RAPGEF2: variants seen among roughly 807,000 people sequenced by gnomAD.
The protein encoded by RAPGEF2 is Rap guanine nucleotide exchange factor 2, also known as PDZ domain containing guanine nucleotide exchange factor (GEF) 1.
In RAPGEF2, 54 loss-of-function variants were observed where a neutral mutation model predicts 186.7. That is an observed-to-expected ratio of 0.29 (90% CI 0.23 to 0.36). RAPGEF2 has a LOEUF of 0.36. RAPGEF2 is among the 10% of genes least tolerant of loss of function. RAPGEF2 has a pLI of 1.00. For synonymous variants in RAPGEF2, 712 were observed against 705.9 expected (o/e 1.01, Z -0.14); for missense variants, 1,532 against 2,045.0 (o/e 0.75, Z 4.84).
In RAPGEF2 at chr4:159,271,394, A is replaced by G. The variant is rs191328595; in HGVS notation, c.543+27603A>G. On this transcript the variant is annotated intron_variant, in intron 7 of 29. Coordinates refer to ENST00000691494, the MANE Select transcript of RAPGEF2 (RefSeq NM_001394067.2). ...ATTAAATAATAATAAAAATGGTAGT[A>G]CACATAAGAAAGTGCCCTACTTAAA... 2.4e-4 allele frequency among the ~76,000 whole-genome samples: 37 copies of G among 152,332 alleles called. 1 individual carries two copies. The highest frequency in any genetic ancestry group is 5.3e-4 in the Non-Finnish European group (36 of 68,016).
intron 7 of RAPGEF2, among the ~76,000 whole-genome samples, chr4:159,290,524 C>T (rs1327963356): frequency 6.6e-6 from 1 of 152,118 alleles, no homozygotes; most frequent in African/African-American, 2.4e-5. Flanking sequence ...AGGTAAACCA[C>T]AGCTTAATAC....
rs1729500752 is a variant in RAPGEF2, at chr4:159,341,766, A to C, written c.2737A>C (p.Thr913Pro). The change falls in exon 20 of 30, where the codon ACC (threonine) becomes CCC (proline). Residue 913 changes from threonine to proline, a missense_variant. Thr to Pro is a conservative substitution (Grantham distance 38). Around this residue, in one of 4 missense-constraint regions of RAPGEF2, gnomAD observed 810 missense variants for 1,210.5 expected, o/e 0.67. Transcript: ENST00000691494. ...TGATTTATTTAAACTCAGATCAAAA[A>C]CCAGCTGTGCCAACCTGAAGAGATT... Reference protein sequence around the residue: ...IDDLFKLRSKTSCANLKRFEE... With the variant: ...IDDLFKLRSKPSCANLKRFEE... 1 of 1,613,990 alleles carries C rather than the reference A, an allele frequency of 6.2e-7. No homozygotes were observed. Among genetic ancestry groups the C allele is most frequent in the Non-Finnish European group, 8.5e-7 (1 of 1,179,898 alleles).
chr4:159,318,151 T>A (rs1383462933), intron 9 of RAPGEF2, among the ~76,000 whole-genome samples: 1 of 152,202 alleles, frequency 6.6e-6, no homozygotes, highest in African/African-American at 2.4e-5. Flanking sequence ...TTATCATGTT[T>A]GCAGCTATCA....
chr4:159,343,924 G>A, intron 22 of RAPGEF2, 112 bp from the exon 23 acceptor site: 1 of 1,071,708 alleles, frequency 9.3e-7, no homozygotes. Flanking sequence ...TTTAATGTTT[G>A]TGGGCTTCTA....
chr4:159,295,602 A>G (rs184886017), intron 7 of RAPGEF2, among the ~76,000 whole-genome samples: 23 of 152,208 alleles, frequency 1.5e-4, no homozygotes, highest in African/African-American at 4.6e-4. Context: ...AACATTTTCA[A>G]TGACACTTTC....
chr4:159,309,522 A>G (rs1169633405), intron 8 of RAPGEF2, among the ~76,000 whole-genome samples: 1 of 152,218 alleles, frequency 6.6e-6, no homozygotes, highest in African/African-American at 2.4e-5. Flanking sequence ...TATGAAAGGA[A>G]GACAGGTGTG....
At chr4:159,342,813 C>G (rs1289533686) in intron 20 of RAPGEF2, among the ~76,000 whole-genome samples, 166 bp from the exon 21 acceptor site, 5 of 151,942 alleles carry the variant, frequency 3.3e-5, no homozygotes, top group African/African-American at 1.2e-4. Context: ...GACCCTACTT[C>G]CCTGTGCCAT....
intron 1 of RAPGEF2, among the ~76,000 whole-genome samples, chr4:159,182,161 G>C (rs943434761): frequency 2.0e-5 from 3 of 152,044 alleles, no homozygotes; most frequent in South Asian, 2.1e-4. Flanking sequence ...CTTTTAAAAG[G>C]CTTCTTGGAA....
intron 3 of RAPGEF2, among the ~76,000 whole-genome samples, chr4:159,206,474 C>T (rs1388539479): frequency 6.6e-6 from 1 of 152,166 alleles, no homozygotes; most frequent in Non-Finnish European, 1.5e-5. Flanking sequence ...TTTGCATATC[C>T]TTTAAGTACT....
chr4:159,129,636 C>T (rs1740782833), intron 1 of RAPGEF2, among the ~76,000 whole-genome samples: 1 of 152,214 alleles, frequency 6.6e-6, no homozygotes, highest in Non-Finnish European at 1.5e-5. Context: ...AGTCCCTATT[C>T]TATCCACTCT....
chr4:159,255,913 A>C (rs1756105053), intron 7 of RAPGEF2, among the ~76,000 whole-genome samples: 1 of 152,200 alleles, frequency 6.6e-6, no homozygotes, highest in African/African-American at 2.4e-5. Context: ...CTTCCTATAA[A>C]ATATAACCCA....
Position 159,283,938 on chromosome 4 carries a change from C to G in RAPGEF2, c.544-20404C>G, listed in dbSNP as rs74753659. On this transcript the variant is annotated intron_variant, in intron 7 of 29. Transcript: ENST00000691494. The stretch of plus-strand genomic sequence containing the variant: ...TAAGCCATGAGTTCATTCTCCACCC[C>G]CCTCCCCAAATTTGCATGCAGTAAA... Among the ~76,000 whole-genome samples, 389 of 152,216 alleles carry G rather than the reference C, an allele frequency of 2.6e-3. 2 individuals are homozygous for G. The highest frequency in any genetic ancestry group is 3.6e-3 in the Non-Finnish European group (242 of 68,012).
chr4:159,344,903 A>G (rs1045837342), intron 23 of RAPGEF2, among the ~76,000 whole-genome samples: 8 of 152,320 alleles, frequency 5.3e-5, no homozygotes, highest in African/African-American at 1.4e-4. Context: ...GCCAAACATA[A>G]ATTTTTATAT....
intron 7 of RAPGEF2, among the ~76,000 whole-genome samples, chr4:159,278,537 AC>A (rs1490654624): frequency 1.3e-5 from 2 of 152,214 alleles, no homozygotes; most frequent in Non-Finnish European, 1.5e-5. Context: ...GCTGCTAGTA[AC>A]CCATCTATAA....
chr4:159,225,911 T>C (rs965374451), intron 4 of RAPGEF2, among the ~76,000 whole-genome samples: 1 of 152,188 alleles, frequency 6.6e-6, no homozygotes, highest in South Asian at 2.1e-4. Flanking sequence ...TGCAGAAATT[T>C]CCTCCTAATC....
intron 7 of RAPGEF2, among the ~76,000 whole-genome samples, chr4:159,291,812 T>C (rs1215172522): frequency 6.6e-6 from 1 of 152,044 alleles, no homozygotes; most frequent in Admixed American, 6.6e-5. Context: ...CCTCTTGATG[T>C]AAGTTGTAAT....
intron 1 of RAPGEF2, among the ~76,000 whole-genome samples, chr4:159,131,079 GTT>G (rs1485941811): frequency 2.4e-5 from 3 of 122,804 alleles, no homozygotes; most frequent in Non-Finnish European, 3.3e-5. Flanking sequence ...TTCGCGTGTT[GTT>G]TTGTGTGTGT....
At chr4:159,272,427 G>C (rs1456820256) in intron 7 of RAPGEF2, among the ~76,000 whole-genome samples, 1 of 152,080 alleles carries the variant, frequency 6.6e-6, no homozygotes, top group Non-Finnish European at 1.5e-5. Context: ...TCATTTCTCA[G>C]CTTGCTGTGT....
intron 7 of RAPGEF2, among the ~76,000 whole-genome samples, chr4:159,302,624 C>T (rs1341357582): frequency 6.6e-6 from 1 of 152,156 alleles, no homozygotes; most frequent in African/African-American, 2.4e-5. Context: ...TATCTGCAAA[C>T]TTCTATCTTT....
Sources: gnomAD v4.1 joint callset for allele counts (sites outside exome capture counted in the v4.1 genomes callset) on GRCh38, gnomAD v4.1.1 for gene constraint, gnomAD v4.1.1 regional missense constraint, MANE v1.5 for transcripts, NCBI Gene and HGNC (gene_info 2026-07-23, HGNC 2026-07-21) for gene names.